Variants in DENND1A observed in about 807,000 individuals in gnomAD.
DENND1A encodes DENN domain containing 1A, also known as DENN domain-containing protein 1A.
In DENND1A, 51 loss-of-function variants were observed where a neutral mutation model predicts 113.7. The ratio of observed to expected loss-of-function variants is 0.45; its 90% CI spans 0.36 to 0.57. The LOEUF is 0.57. DENND1A is among the 20% of genes least tolerant of loss of function. The probability of loss-of-function intolerance (pLI) is 0.00; values close to 1 mark genes in which losing one functional copy is unlikely to be tolerated. For missense variants in DENND1A, 1,258 were observed against 1,395.9 expected (o/e 0.90, Z 1.57); for synonymous variants, 565 against 570.8 (o/e 0.99, Z 0.14).
At chr9:123,600,690 G>A (rs903030237) in intron 11 of DENND1A, among the ~76,000 whole-genome samples, 2 of 152,134 alleles carry the variant, frequency 1.3e-5, no homozygotes, top group African/African-American at 2.4e-5. Context: ...CTTAGGCCGG[G>A]TGTGGTGGTG....
intron 1 of DENND1A, chr9:123,928,708 C>T (rs1857523088): frequency 2.0e-6 from 2 of 985,408 alleles, no homozygotes; most frequent in Non-Finnish European, 2.4e-6. Flanking sequence ...CAAGGCTGGG[C>T]AAGGGTCACA....
chr9:123,826,101 T>C (rs1349257476), intron 2 of DENND1A, among the ~76,000 whole-genome samples: 1 of 152,240 alleles, frequency 6.6e-6, no homozygotes, highest in Non-Finnish European at 1.5e-5. Context: ...CCCTGAGATT[T>C]CTGGGGTCCT....
intron 1 of DENND1A, among the ~76,000 whole-genome samples, chr9:123,921,833 C>T (rs902646948): frequency 6.6e-6 from 1 of 152,102 alleles, no homozygotes; most frequent in Non-Finnish European, 1.5e-5. Flanking sequence ...GGCAAGTCAT[C>T]TTTGATTCTT....
chr9:123,909,191 C>A (rs1273034356), intron 1 of DENND1A, among the ~76,000 whole-genome samples: 1 of 151,570 alleles, frequency 6.6e-6, no homozygotes, highest in Non-Finnish European at 1.5e-5. Context: ...CACTATGGGG[C>A]CTGTGGTGGG....
At chr9:123,834,747 A>C (rs189936837) in intron 2 of DENND1A, among the ~76,000 whole-genome samples, 3 of 152,336 alleles carry the variant, frequency 2.0e-5, no homozygotes, top group Admixed American at 2.0e-4. Context: ...GTAAGTCTAC[A>C]AAGCATTAAC....
intron 5 of DENND1A, among the ~76,000 whole-genome samples, chr9:123,710,330 C>T (rs2066493872): frequency 6.6e-6 from 1 of 152,168 alleles, no homozygotes; most frequent in Admixed American, 6.5e-5. Flanking sequence ...CAAAAACACA[C>T]CATGTAATAA....
intron 12 of DENND1A, chr9:123,569,664 T>A (rs891430101): frequency 6.6e-6 from 1 of 152,370 alleles, no homozygotes; most frequent in Non-Finnish European, 1.5e-5. Context: ...AGAACAGGGA[T>A]GGACAAACAA....
At chr9:123,677,808 C>G (rs1199194767) in intron 5 of DENND1A, among the ~76,000 whole-genome samples, 1 of 152,186 alleles carries the variant, frequency 6.6e-6, no homozygotes, top group African/African-American at 2.4e-5. Context: ...GTCCGTCACT[C>G]CAGGATCCAG....
chr9:123,415,171 CCAGT>C (rs923548067), intron 19 of DENND1A, among the ~76,000 whole-genome samples: 3 of 152,090 alleles, frequency 2.0e-5, no homozygotes, highest in Non-Finnish European at 4.4e-5. Context: ...CCTGGCGCAC[CCAGT>C]CAGATAAAAC....
chr9:123,546,853 A>G (rs2056733742), intron 13 of DENND1A, among the ~76,000 whole-genome samples: 1 of 152,382 alleles, frequency 6.6e-6, no homozygotes, highest in Non-Finnish European at 1.5e-5. Flanking sequence ...TTTATTTTTC[A>G]AGTATTTCAT....
intron 13 of DENND1A, 100 bp downstream of exon 13, chr9:123,557,470 A>G: frequency 6.5e-7 from 1 of 1,528,516 alleles, no homozygotes; most frequent in Non-Finnish European, 8.8e-7. Flanking sequence ...TTCTAGATGA[A>G]TCTGGAAACC....
chr9:123,382,443 C>T lies in DENND1A; in HGVS notation c.2202G>A (p.Arg734=), dbSNP rs769596954. 10 of 1,610,880 alleles carry T rather than the reference C, an allele frequency of 6.2e-6. No homozygotes were observed. The Admixed American group carries it at 1.5e-4, about 24-fold the overall frequency. ...TCAGGATGCTGTCCCGGTTCTGGGG[C>T]CTTCGAGGCAGGGCCAGGGAGTTTC... is the stretch of plus-strand genomic sequence containing the variant. ...LLGNSLALPR[R]PQNRDSILNP... Residue 734 remains arginine, a synonymous_variant, in exon 24 of 24, where the codon AGG becomes AGA. Transcript: ENST00000394215.
At chr9:123,643,266 T>G (rs994904372) in intron 9 of DENND1A, among the ~76,000 whole-genome samples, 2 of 152,134 alleles carry the variant, frequency 1.3e-5, no homozygotes, top group African/African-American at 4.8e-5. Flanking sequence ...GTTTATTTTT[T>G]TTGTCTTCCT....
intron 13 of DENND1A, among the ~76,000 whole-genome samples, chr9:123,467,986 C>G (rs1296735224): frequency 6.6e-6 from 1 of 152,200 alleles, no homozygotes; most frequent in East Asian, 1.9e-4. Flanking sequence ...GGAAACCTTA[C>G]TTGAATCATT....
intron 19 of DENND1A, among the ~76,000 whole-genome samples, chr9:123,414,883 T>C (rs188528005): frequency 3.8e-4 from 58 of 152,340 alleles, no homozygotes; most frequent in African/African-American, 1.2e-3. Context: ...CTGTTTACCA[T>C]AGGGTCTAGT....
intron 5 of DENND1A, among the ~76,000 whole-genome samples, chr9:123,730,626 G>A (rs1236377200): frequency 6.6e-6 from 1 of 152,194 alleles, no homozygotes. Context: ...GAGAGGATGT[G>A]TAGAAGTAGG....
At chr9:123,445,493 G>A (rs910181808) in intron 18 of DENND1A, among the ~76,000 whole-genome samples, 2 of 152,256 alleles carry the variant, frequency 1.3e-5, no homozygotes, top group Non-Finnish European at 2.9e-5. Flanking sequence ...CTCAAGGGAG[G>A]TGATTCATTC....
chr9:123,395,468 C>CTCTCTGTGTGTGTGTGTGTG (rs367751848), intron 21 of DENND1A, among the ~76,000 whole-genome samples: 1,974 of 142,906 alleles, frequency 0.014, 22 homozygotes, highest in East Asian at 0.046. Flanking sequence ...CTCTCTCTCT[C>CTCTCTGTGTGTGTGTGTGTG]TGTGTGTGTG....
chr9:123,769,880 C>T (rs1829450586), intron 3 of DENND1A, among the ~76,000 whole-genome samples: 1 of 152,162 alleles, frequency 6.6e-6, no homozygotes, highest in African/African-American at 2.4e-5. Flanking sequence ...CATCTCCAGC[C>T]TGACCATATG....
Sources: gnomAD v4.1 joint callset for allele counts (sites outside exome capture counted in the v4.1 genomes callset) on GRCh38, gnomAD v4.1.1 for gene constraint, MANE v1.5 for transcripts, NCBI Gene and HGNC (gene_info 2026-07-23, HGNC 2026-07-21) for gene names.